The following RAPSN variants were observed in gnomAD, a reference collection of about 807,000 sequenced individuals.
RAPSN encodes the protein receptor associated protein of the synapse.
In RAPSN, 33 loss-of-function variants were observed where a neutral mutation model predicts 45.7. The ratio of observed to expected loss-of-function variants is 0.72; its 90% CI spans 0.55 to 0.97. The LOEUF (loss-of-function observed/expected upper bound fraction) is 0.97. Among genes scored for constraint, RAPSN ranks in the 50% least tolerant of loss-of-function variants. The pLI, the probability that RAPSN is intolerant of heterozygous loss-of-function variation, is 0.00. For missense variants in RAPSN, 519 were observed against 559.4 expected, an observed-to-expected ratio of 0.93 and a Z score of 0.73; for synonymous variants, 244 against 233.6, an observed-to-expected ratio of 1.04 and a Z score of -0.40.
rs1375205926 is a variant in RAPSN, at chr11:47,447,891, C to T, written c.452G>A (p.Arg151His). ...KALESFEKAL[R>H]YAHNNDDAML... ...GGCGTCATCATTGTTGTGGGCATAG[C>T]GCAGGGCCTTCTCGAAGCTCTCCAG... The change falls in exon 2 of 8, where the codon CGC (arginine) becomes CAC (histidine). Residue 151 changes from arginine to histidine, a missense_variant. Coordinates refer to ENST00000298854, the MANE Select transcript of RAPSN (RefSeq NM_005055.5). The T allele has an allele frequency of 8.7e-6, 14 of 1,613,182 alleles. No homozygotes were observed. The highest frequency in any genetic ancestry group is 1.6e-4 in the Middle Eastern group (1 of 6,084).
At position 47,438,765 on chromosome 11, in the gene RAPSN, T is replaced by A; in HGVS notation, c.1133A>T (p.Gln378Leu). Residue 378 changes from glutamine to leucine, a missense_variant, in exon 7 of 8, where the codon CAG (glutamine) becomes CTG (leucine). By Grantham distance (113) the Gln-to-Leu change is moderately radical. Transcript: ENST00000298854. ...GAAGATGTGGGAGCAAGGTAGGGCC[T>A]GCAGCCGGCTGTTCTTCTCGCCTAT... ...ESIGEKNSRL[Q>L]ALPCSHIFHL... is the part of the protein sequence containing the mutation. The A allele has an allele frequency of 6.4e-7, 1 of 1,564,046 alleles. No individual in the cohort carries two copies. The highest frequency in any genetic ancestry group is 1.8e-5 in the Admixed American group (1 of 54,568).
intron 3 of RAPSN, 61 bp from the exon 4 acceptor site, chr11:47,441,982 C>T: frequency 6.8e-7 from 1 of 1,471,770 alleles, no homozygotes; most frequent in Non-Finnish European, 9.2e-7. Context: ...AGTGCCCTCC[C>T]CTCAACAGAC....
At position 47,442,770 on chromosome 11, in the gene RAPSN, A is replaced by G. The variant is rs745749798; in HGVS notation, c.576T>C (p.Leu192=). The G allele has an allele frequency of 5.0e-6, 8 of 1,614,246 alleles. No homozygotes were observed. Among genetic ancestry groups the G allele is most frequent in the Middle Eastern group, 1.6e-4 (1 of 6,062 alleles). ...ALFFPCKAAE[L]VNNYGKGWSL... Reference sequence around the variant, plus strand: ...TCCAGCCTTTGCCATAGTTGTTGACAAGCTCTGCCGCCTTGCAGGGGAAGA... The same window carrying G: ...TCCAGCCTTTGCCATAGTTGTTGACGAGCTCTGCCGCCTTGCAGGGGAAGA... The change falls in exon 3 of 8, where the codon CTT becomes CTC. Residue 192 remains leucine (L), a synonymous_variant. Coordinates refer to ENST00000298854, the MANE Select transcript of RAPSN (RefSeq NM_005055.5).
Position 47,448,107 on chromosome 11 carries a change from G to C in RAPSN, c.236C>G (p.Ala79Gly). 6.2e-7 allele frequency: 1 copy of C among 1,613,560 alleles called. No individual in the cohort carries two copies. The highest frequency in any genetic ancestry group is 8.5e-7 in the Non-Finnish European group (1 of 1,179,992). ...CAGGTAGCTCTCCAGGAGGAAGTCG[G>C]CATCCTCCAGCTCCCGGGCCGTGTC... ...QIDTARELED[A>G]DFLLESYLNL... Residue 79 changes from alanine (A) to glycine (G), a missense_variant, in exon 2 of 8, where the codon GCC becomes GGC. Coordinates refer to ENST00000298854, the MANE Select transcript of RAPSN (RefSeq NM_005055.5).
At chr11:47,447,196 G>A (rs368124043) in intron 2 of RAPSN, among the ~76,000 whole-genome samples, 3 of 152,058 alleles carry the variant, frequency 2.0e-5, no homozygotes, top group South Asian at 4.1e-4. Context: ...TCACCTCTGC[G>A]AGGCCCTCCG....
intron 6 of RAPSN, among the ~76,000 whole-genome samples, chr11:47,440,658 G>C (rs563623906): frequency 6.6e-6 from 1 of 152,222 alleles, no homozygotes; most frequent in Non-Finnish European, 1.5e-5. Context: ...TGAAGCAGGA[G>C]AATCACTTCA....
chr11:47,443,422 G>GAGA (rs1372392490), intron 2 of RAPSN, among the ~76,000 whole-genome samples: 4 of 152,114 alleles, frequency 2.6e-5, no homozygotes, highest in Non-Finnish European at 5.9e-5. Context: ...GAAAATCAGG[G>GAGA]AGAAGCTCCT....
chr11:47,439,857 C>T (rs546338109), intron 6 of RAPSN, among the ~76,000 whole-genome samples: 5 of 151,728 alleles, frequency 3.3e-5, no homozygotes, highest in African/African-American at 9.7e-5. Flanking sequence ...GGATTACAGG[C>T]GTGCACTACC....
At chr11:47,440,993 C>CTG (rs1291278090) in intron 6 of RAPSN, among the ~76,000 whole-genome samples, 166 bp downstream of exon 6, 1 of 152,166 alleles carries the variant, frequency 6.6e-6, no homozygotes, top group Admixed American at 6.5e-5. Flanking sequence ...CTCAGAAGTG[C>CTG]TGTGTGTGTG....
chr11:47,448,976 CCT>C lies in RAPSN; in HGVS notation c.-14_-13del. On this transcript the variant is annotated 5_prime_UTR_variant, in exon 1 of 8. Coordinates refer to ENST00000298854, the MANE Select transcript of RAPSN (RefSeq NM_005055.5). Reference sequence around the variant, plus strand: ...TGGTCCTGCCCCATCCTCCCCAAGCCCTGTGTCCCACGTGGGGTGATCCCTGG... The same window carrying C: ...TGGTCCTGCCCCATCCTCCCCAAGCCGTGTCCCACGTGGGGTGATCCCTGG... 1 of 1,614,256 alleles carries C rather than the reference CCT, an allele frequency of 6.2e-7. No homozygotes were observed. Among genetic ancestry groups the C allele is most frequent in the Non-Finnish European group, 8.5e-7 (1 of 1,180,042 alleles).
chr11:47,442,949 C>A, intron 2 of RAPSN, 135 bp from the exon 3 acceptor site: 1 of 1,458,152 alleles, frequency 6.9e-7, no homozygotes, highest in Non-Finnish European at 9.3e-7. Context: ...TTGTGACATC[C>A]AGGACAAGAG....
intron 2 of RAPSN, among the ~76,000 whole-genome samples, chr11:47,445,051 G>A (rs1417413412): frequency 6.0e-5 from 9 of 150,956 alleles, no homozygotes; most frequent in Non-Finnish European, 1.0e-4. Context: ...GTGAAACCCC[G>A]TCTCTACTAG....
chr11:47,447,321 A>G (rs1039494577), intron 2 of RAPSN, among the ~76,000 whole-genome samples: 3 of 151,906 alleles, frequency 2.0e-5, no homozygotes, highest in Non-Finnish European at 4.4e-5. Flanking sequence ...TTTCTTCTCC[A>G]ACTAGAATGC....
chr11:47,441,945 G>A (rs373541105), intron 3 of RAPSN, 24 bp from the exon 4 acceptor site: 11 of 1,550,796 alleles, frequency 7.1e-6, no homozygotes, highest in Non-Finnish European at 9.5e-6. Context: ...CAGTGGCTCA[G>A]GCCTACTCCT....
intron 6 of RAPSN, 44 bp downstream of exon 6, chr11:47,441,115 T>G (rs751512380): frequency 1.2e-6 from 2 of 1,612,274 alleles, no homozygotes; most frequent in South Asian, 1.1e-5. Context: ...AGTTCCCCAC[T>G]TGGGCCCTTG....
chr11:47,448,235 A>T, intron 1 of RAPSN, 85 bp from the exon 2 acceptor site: 1 of 1,414,542 alleles, frequency 7.1e-7, no homozygotes, highest in Non-Finnish European at 9.8e-7. Flanking sequence ...TCAGACCTGG[A>T]GGCCCCACAC....
chr11:47,441,056 G>T, intron 6 of RAPSN, 103 bp downstream of exon 6: 1 of 1,456,420 alleles, frequency 6.9e-7, no homozygotes, highest in Non-Finnish European at 9.6e-7. Flanking sequence ...CCAGCATCAG[G>T]AAGGGCTCAT....
intron 2 of RAPSN, 149 bp from the exon 3 acceptor site, chr11:47,442,963 C>T (rs2076377609): frequency 2.2e-6 from 3 of 1,357,478 alleles, no homozygotes; most frequent in Non-Finnish European, 3.0e-6. Context: ...ACAAGAGTGG[C>T]CCGGTAGAGG....
intron 6 of RAPSN, among the ~76,000 whole-genome samples, 155 bp from the exon 7 acceptor site, chr11:47,439,086 C>T (rs2076340263): frequency 1.3e-5 from 2 of 152,164 alleles, no homozygotes; most frequent in Admixed American, 6.6e-5. Context: ...CAGAATGAGG[C>T]GGTGGGTGAG....
Sources: gnomAD v4.1 joint callset for allele counts (sites outside exome capture counted in the v4.1 genomes callset) on GRCh38, gnomAD v4.1.1 for gene constraint, MANE v1.5 for transcripts, NCBI Gene and HGNC (gene_info 2026-07-23, HGNC 2026-07-21) for gene names.